The following YPEL2 variants were observed in gnomAD, a reference collection of about 807,000 sequenced individuals.
YPEL2 encodes protein yippee-like 2.
A neutral mutation model predicts 19.1 loss-of-function variants in YPEL2; 2 were observed. The ratio of observed to expected loss-of-function variants is 0.10; its 90% confidence interval spans 0.04 to 0.33. YPEL2 has a LOEUF of 0.33. Among genes scored for constraint, YPEL2 ranks in the 10% least tolerant of loss-of-function variants. The probability of loss-of-function intolerance (pLI) is 1.00; values close to 1 mark genes in which losing one functional copy is unlikely to be tolerated. For missense variants in YPEL2, 66 were observed against 140.7 expected (o/e 0.47, Z 2.68); for synonymous variants, 52 against 50.0 (o/e 1.04, Z -0.17).
chr17:59,390,566 A>T (rs1567760877), intron 4 of YPEL2, among the ~76,000 whole-genome samples: 1 of 152,228 alleles, frequency 6.6e-6, no homozygotes, highest in Non-Finnish European at 1.5e-5. Context: ...CCACTGTCAG[A>T]TGTGATCATG....
At position 59,391,355 on chromosome 17, in the gene YPEL2, C is replaced by G. The variant is rs1194228295; in HGVS notation, c.270+1887C>G. ...GGTGGGTAGCGGGTATGTGGAAAAT[C>G]TCTGTACTTTCTGCTCAATTTTGCT... On this transcript the variant is annotated intron_variant, in intron 4 of 4. Coordinates refer to ENST00000312655, the MANE Select transcript of YPEL2 (RefSeq NM_001005404.4). Among the ~76,000 whole-genome samples the G allele has an allele frequency of 2.0e-5, 3 of 152,234 alleles. No individual in the cohort carries two copies. In the East Asian group the frequency reaches 5.8e-4, roughly 29 times the overall value.
intron 1 of YPEL2, among the ~76,000 whole-genome samples, chr17:59,342,235 C>G (rs888910338): frequency 2.0e-5 from 3 of 152,144 alleles, no homozygotes; most frequent in Non-Finnish European, 4.4e-5. Flanking sequence ...CCTGGGGGAC[C>G]AGCAGTTTAA....
chr17:59,336,372 C>G (rs2047698826), intron 1 of YPEL2, among the ~76,000 whole-genome samples: 1 of 152,170 alleles, frequency 6.6e-6, no homozygotes, highest in Non-Finnish European at 1.5e-5. Flanking sequence ...TAACCTTATT[C>G]TAGGCCTCGC....
intron 1 of YPEL2, among the ~76,000 whole-genome samples, chr17:59,352,762 A>G (rs1335712183): frequency 6.6e-6 from 1 of 152,186 alleles, no homozygotes; most frequent in Non-Finnish European, 1.5e-5. Context: ...GACTCTTGAC[A>G]TCTGGAAATA....
chr17:59,351,676 C>T (rs1257780999), intron 1 of YPEL2, among the ~76,000 whole-genome samples: 1 of 152,194 alleles, frequency 6.6e-6, no homozygotes, highest in Non-Finnish European at 1.5e-5. Flanking sequence ...ATAATGTTCA[C>T]TGTAAACTGA....
At chr17:59,390,449 AC>A (rs2048002083) in intron 4 of YPEL2, among the ~76,000 whole-genome samples, 1 of 152,164 alleles carries the variant, frequency 6.6e-6, no homozygotes, top group African/African-American at 2.4e-5. Context: ...CTGGTCCAGA[AC>A]CCATGTTCTG....
At chr17:59,332,084 A>AC (rs1222489997) in intron 1 of YPEL2, among the ~76,000 whole-genome samples, 1 of 150,832 alleles carries the variant, frequency 6.6e-6, no homozygotes, top group East Asian at 2.0e-4. Context: ...AGGGCGCGGG[A>AC]CCCCCGGCCG....
chr17:59,384,189 T>C (rs1007481951), intron 2 of YPEL2, among the ~76,000 whole-genome samples: 2 of 152,226 alleles, frequency 1.3e-5, no homozygotes, highest in Non-Finnish European at 2.9e-5. Flanking sequence ...TATCAGTTTT[T>C]TTCTCTTTTA....
chr17:59,364,837 G>A (rs1244644189), intron 2 of YPEL2, among the ~76,000 whole-genome samples: 1 of 152,020 alleles, frequency 6.6e-6, no homozygotes, highest in East Asian at 1.9e-4. Context: ...TCGCCATGTT[G>A]GCCAGGCTGA....
At chr17:59,382,311 A>G (rs1160107274) in intron 2 of YPEL2, among the ~76,000 whole-genome samples, 1 of 152,242 alleles carries the variant, frequency 6.6e-6, no homozygotes, top group Non-Finnish European at 1.5e-5. Flanking sequence ...GCCTGGAAGA[A>G]GCCATGGGCC....
rs183158260 is a variant in YPEL2 at position 59,343,274 on chromosome 17, T to G, written c.-195-9941T>G. ...TACCAGCTTTACATGGCAGTGTGGTTTCACTGATGGCCATTCATTTTACTC... is the reference window on the plus strand; with the variant it reads ...TACCAGCTTTACATGGCAGTGTGGTGTCACTGATGGCCATTCATTTTACTC... On this transcript the variant is annotated intron_variant, in intron 1 of 4. Transcript: ENST00000312655. Among the ~76,000 whole-genome samples, 16 of 152,264 alleles carry G rather than the reference T, an allele frequency of 1.1e-4. 1 individual carries two copies. The East Asian group carries it at 3.1e-3, about 29-fold the overall frequency.
chr17:59,332,045 G>A (rs959160903), intron 1 of YPEL2, among the ~76,000 whole-genome samples: 1 of 151,886 alleles, frequency 6.6e-6, no homozygotes, highest in Non-Finnish European at 1.5e-5. Flanking sequence ...AACACTGCCG[G>A]GCCCGCGGCC....
At chr17:59,360,256 T>C in intron 2 of YPEL2, among the ~76,000 whole-genome samples, 1 of 152,222 alleles carries the variant, frequency 6.6e-6, no homozygotes. Flanking sequence ...TTTTGTACTT[T>C]TTTAGTAGAG....
chr17:59,359,440 A>G (rs1052063186), intron 2 of YPEL2, among the ~76,000 whole-genome samples: 2 of 152,228 alleles, frequency 1.3e-5, no homozygotes, highest in Admixed American at 6.5e-5. Context: ...ATCAGACAGC[A>G]TAATTCATAA....
chr17:59,396,588 C>A (rs2048040464), intron 4 of YPEL2, among the ~76,000 whole-genome samples: 1 of 152,154 alleles, frequency 6.6e-6, no homozygotes, highest in Non-Finnish European at 1.5e-5. Flanking sequence ...TTGTGAAAGT[C>A]CTGGTGTTGC....
At chr17:59,384,438 C>T (rs1464945756) in intron 2 of YPEL2, among the ~76,000 whole-genome samples, 2 of 152,072 alleles carry the variant, frequency 1.3e-5, no homozygotes, top group African/African-American at 4.8e-5. Flanking sequence ...TATTTAAAAT[C>T]GTGTTTTTTA....
intron 4 of YPEL2, 152 bp from the exon 5 acceptor site, chr17:59,396,949 C>G (rs539140937): frequency 2.1e-6 from 1 of 482,978 alleles, no homozygotes; most frequent in Non-Finnish European, 3.6e-6. Context: ...GAGAATCGCT[C>G]GAACCTGGGA....
intron 2 of YPEL2, chr17:59,356,399 C>A (rs1345288072): frequency 6.6e-6 from 1 of 151,814 alleles, no homozygotes; most frequent in Non-Finnish European, 1.5e-5. Flanking sequence ...ACTAGAACTT[C>A]AGGCTCCCTT....
chr17:59,355,185 G>A (rs2047806769), intron 2 of YPEL2: 1 of 152,096 alleles, frequency 6.6e-6, no homozygotes, highest in African/African-American at 2.4e-5. Context: ...AAGTCTTTAA[G>A]GTAGTTGACA....
Sources: gnomAD v4.1 joint callset for allele counts (sites outside exome capture counted in the v4.1 genomes callset) on GRCh38, gnomAD v4.1.1 for gene constraint, MANE v1.5 for transcripts, NCBI Gene and HGNC (gene_info 2026-07-23, HGNC 2026-07-21) for gene names.